The following PIP5K1C variants were observed in gnomAD, a reference collection of about 807,000 sequenced individuals.
PIP5K1C encodes phosphatidylinositol-4-phosphate 5-kinase type 1 gamma.
In PIP5K1C, 45 loss-of-function variants were observed where a neutral mutation model predicts 80.1. That is an observed-to-expected ratio of 0.56 (90% CI 0.44 to 0.72). The LOEUF is 0.72. Among genes scored for constraint, PIP5K1C ranks in the 30% least tolerant of loss-of-function variants. The pLI, the probability that PIP5K1C is intolerant of heterozygous loss-of-function variation, is 0.00. For missense variants in PIP5K1C, 753 were observed against 954.6 expected, an observed-to-expected ratio of 0.79 and a Z score of 2.78; for synonymous variants, 498 against 420.1, an observed-to-expected ratio of 1.19 and a Z score of -2.27.
At chr19:3,666,893 T>C (rs987912951) in intron 2 of PIP5K1C, among the ~76,000 whole-genome samples, 16 of 152,232 alleles carry the variant, frequency 1.1e-4, no homozygotes, top group African/African-American at 3.9e-4. Context: ...AGGGCGTGGG[T>C]GCAGCTGGTA....
At chr19:3,651,729 C>G in intron 8 of PIP5K1C, 97 bp downstream of exon 8, 1 of 1,251,260 alleles carries the variant, frequency 8.0e-7, no homozygotes, top group Non-Finnish European at 1.2e-6. Context: ...CCCTCGCCAG[C>G]CCTCCCTGCC....
chr19:3,652,354 C>T (rs1308053307), intron 7 of PIP5K1C, among the ~76,000 whole-genome samples: 1 of 152,236 alleles, frequency 6.6e-6, no homozygotes, highest in African/African-American at 2.4e-5. Flanking sequence ...CTCTGACCAG[C>T]CCAGGCCCAT....
Position 3,633,070 on chromosome 19 carries a change from A to G in PIP5K1C, c.*97T>C. On this transcript the variant is annotated 3_prime_UTR_variant, in exon 18 of 18. Coordinates refer to ENST00000335312, the MANE Select transcript of PIP5K1C (RefSeq NM_012398.3). The stretch of plus-strand genomic sequence containing the variant: ...GGTCCGGTGGGGCGGCGAGGCGGGC[A>G]TCTCCCGAGCTCTGGGCCTCAGCGG... 2 of 693,622 alleles carry G rather than the reference A, an allele frequency of 2.9e-6. No individual in the cohort carries two copies. Among genetic ancestry groups the G allele is most frequent in the Non-Finnish European group, 5.4e-6 (2 of 372,368 alleles). 43.0% of individuals were successfully genotyped at this position (693,622 alleles called of 1,614,324 possible).
At chr19:3,683,385 G>A (rs2035649782) in intron 1 of PIP5K1C, among the ~76,000 whole-genome samples, 1 of 152,176 alleles carries the variant, frequency 6.6e-6, no homozygotes. Context: ...AGGGGCGCAG[G>A]CTGCTTCCCG....
chr19:3,654,293 G>C (rs2145451369), intron 6 of PIP5K1C, among the ~76,000 whole-genome samples: 1 of 152,332 alleles, frequency 6.6e-6, no homozygotes, highest in African/African-American at 2.4e-5. Flanking sequence ...GGGTGACTCA[G>C]GGGCACCCAA....
In PIP5K1C at chr19:3,642,961, G is replaced by T. The variant is rs750676438; in HGVS notation, c.1650-22C>A. On this transcript the variant is annotated intron_variant, in intron 13 of 17. Coordinates refer to ENST00000335312, the MANE Select transcript of PIP5K1C (RefSeq NM_012398.3). ...CCGCCTGCAGAGATACAGCAAACACGTGACACCCAGAAAGAGAGTGGCCCG... is the reference window on the plus strand; with the variant it reads ...CCGCCTGCAGAGATACAGCAAACACTTGACACCCAGAAAGAGAGTGGCCCG... The T allele has an allele frequency of 2.8e-5, 45 of 1,613,100 alleles. No individual in the cohort carries two copies. The Admixed American group carries it at 7.2e-4, about 26-fold the overall frequency.
intron 1 of PIP5K1C, among the ~76,000 whole-genome samples, chr19:3,678,760 C>T (rs111211878): frequency 3.2e-4 from 15 of 47,264 alleles, no homozygotes; most frequent in African/African-American, 8.7e-4. Flanking sequence ...AGAGGGATGG[C>T]GGGATGGCAG....
intron 1 of PIP5K1C, among the ~76,000 whole-genome samples, chr19:3,694,504 G>A (rs991370452): frequency 2.1e-4 from 32 of 152,302 alleles, no homozygotes; most frequent in African/African-American, 7.7e-4. Context: ...CTGCCTCCAG[G>A]CACCGGTGGC....
chr19:3,698,993 C>T (rs2036210908), intron 1 of PIP5K1C, among the ~76,000 whole-genome samples: 1 of 145,338 alleles, frequency 6.9e-6, no homozygotes, highest in Non-Finnish European at 1.5e-5. Context: ...CAGTCTGGAG[C>T]TGGCAACTTT....
chr19:3,650,901 C>G (rs943551441), intron 8 of PIP5K1C, among the ~76,000 whole-genome samples: 1 of 151,876 alleles, frequency 6.6e-6, no homozygotes, highest in South Asian at 2.1e-4. Context: ...GGATTACAGG[C>G]GTGCACCACC....
chr19:3,657,190 C>T (rs2034661111), intron 5 of PIP5K1C, among the ~76,000 whole-genome samples: 1 of 152,126 alleles, frequency 6.6e-6, no homozygotes, highest in South Asian at 2.1e-4. Flanking sequence ...TTTTCTCAGC[C>T]CCTGCTGTTT....
intron 1 of PIP5K1C, among the ~76,000 whole-genome samples, chr19:3,682,878 C>G (rs1343850742): frequency 6.6e-6 from 1 of 152,046 alleles, no homozygotes; most frequent in Non-Finnish European, 1.5e-5. Context: ...TGTGAGGTCA[C>G]AGATGTTGCC....
intron 1 of PIP5K1C, among the ~76,000 whole-genome samples, chr19:3,685,568 A>G (rs2035734614): frequency 6.6e-6 from 1 of 152,042 alleles, no homozygotes. Context: ...GTCTCTACTA[A>G]AAATACAAAA....
chr19:3,672,904 G>A (rs1222734906), intron 1 of PIP5K1C, among the ~76,000 whole-genome samples: 1 of 151,334 alleles, frequency 6.6e-6, no homozygotes, highest in African/African-American at 2.4e-5. Context: ...TGGGGGCGGG[G>A]GGAGAGTGGG....
intron 10 of PIP5K1C, among the ~76,000 whole-genome samples, 163 bp from the exon 11 acceptor site, chr19:3,646,221 CAG>C (rs974395286): frequency 2.6e-5 from 4 of 152,102 alleles, no homozygotes; most frequent in Non-Finnish European, 5.9e-5. Flanking sequence ...GCTCACGGAA[CAG>C]GGAACAGTGG....
chr19:3,663,546 C>A (rs922343010), intron 3 of PIP5K1C, among the ~76,000 whole-genome samples: 3 of 152,224 alleles, frequency 2.0e-5, no homozygotes, highest in African/African-American at 7.2e-5. Flanking sequence ...CACAGGGGGG[C>A]CACGCACCTG....
At chr19:3,642,797 C>A in intron 14 of PIP5K1C, 110 bp downstream of exon 14, 3 of 875,210 alleles carry the variant, frequency 3.4e-6, no homozygotes, top group Non-Finnish European at 5.9e-6. Context: ...TAAATCTGTC[C>A]CCAGGAGAGA....
At chr19:3,658,627 C>T (rs529460832) in intron 5 of PIP5K1C, among the ~76,000 whole-genome samples, 16 of 152,316 alleles carry the variant, frequency 1.1e-4, no homozygotes, top group African/African-American at 2.4e-4. Flanking sequence ...TCAGGTCACC[C>T]GGAGCAGGGG....
rs185858940 is a variant in PIP5K1C at position 3,673,297 on chromosome 19, C to A, written c.95-5944G>T. ...TGTTTCACCCCAGACCTGGCTTGAA[C>A]ATCACCCCTCAGAGGCCTCCTCCAG... On this transcript the variant is annotated intron_variant, in intron 1 of 17. Coordinates refer to ENST00000335312, the MANE Select transcript of PIP5K1C (RefSeq NM_012398.3). 1.6e-3 allele frequency among the ~76,000 whole-genome samples: 244 copies of A among 152,252 alleles called. 4 individuals are homozygous for A. Among genetic ancestry groups the A allele is most frequent in the Non-Finnish European group, 3.1e-4 (21 of 68,006 alleles).
Sources: allele counts gnomAD v4.1 joint callset (sites outside exome capture counted in the v4.1 genomes callset), GRCh38; gene constraint gnomAD v4.1.1; transcripts MANE v1.5; gene names NCBI Gene and HGNC (gene_info 2026-07-23, HGNC 2026-07-21).